Variants in USP42 observed in about 807,000 individuals in gnomAD.
USP42 encodes the protein ubiquitin specific peptidase 42.
USP42 carries 23 observed loss-of-function variants against 113.0 expected under a neutral mutation model. That is an observed-to-expected ratio of 0.20 (90% confidence interval 0.15 to 0.29). USP42 has a LOEUF of 0.29. USP42 is among the 10% of genes least tolerant of loss of function. The pLI, the probability that USP42 is intolerant of heterozygous loss-of-function variation, is 1.00. For synonymous variants in USP42, 933 were observed against 699.0 expected (o/e 1.33, Z -5.28); for missense variants, 2,174 against 1,779.8 (o/e 1.22, Z -3.99).
intron 15 of USP42, 85 bp downstream of exon 15, chr7:6,155,280 A>C: frequency 1.4e-6 from 2 of 1,440,504 alleles, no homozygotes. Flanking sequence ...CTCAGGAACA[A>C]GTGACCAGCC....
intron 7 of USP42, among the ~76,000 whole-genome samples, chr7:6,142,159 T>TTGGTATGTAGATTTA (rs1318916683): frequency 6.6e-6 from 1 of 152,226 alleles, no homozygotes; most frequent in African/African-American, 2.4e-5. Flanking sequence ...AGGATATAAT[T>TTGGTATGTAGATTTA]TGGTATGTAG....
intron 14 of USP42, chr7:6,152,885 C>G: frequency 1.0e-6 from 1 of 980,160 alleles, no homozygotes; most frequent in Non-Finnish European, 1.2e-6. Flanking sequence ...TTTGAGGGTC[C>G]AAGAGAAATC....
intron 11 of USP42, among the ~76,000 whole-genome samples, chr7:6,147,537 G>C (rs369197347): frequency 1.3e-5 from 2 of 152,250 alleles, no homozygotes; most frequent in Non-Finnish European, 2.9e-5. Flanking sequence ...CATTTACCCA[G>C]TTATCCTTGT....
intron 1 of USP42, among the ~76,000 whole-genome samples, chr7:6,105,299 TGCGCGGCGAGGCCGGGCC>T (rs1041053363): frequency 1.0e-4 from 15 of 146,802 alleles, no homozygotes; most frequent in African/African-American, 3.7e-4. Flanking sequence ...GTAGCCGGGC[TGCGCGGCGAGGCCGGGCC>T]CCCCTGGTTG....
chr7:6,109,472 A>C (rs907886808), intron 1 of USP42, among the ~76,000 whole-genome samples: 4 of 152,090 alleles, frequency 2.6e-5, no homozygotes, highest in African/African-American at 7.2e-5. Context: ...GGCTCACTGC[A>C]ATCTCTGCCT....
chr7:6,087,555 T>C, the USP42 span, among the ~76,000 whole-genome samples: 1 of 150,472 alleles, frequency 6.6e-6, no homozygotes, highest in East Asian at 1.9e-4. Flanking sequence ...CAGGCTGATC[T>C]TGAACTCCTG....
At chr7:6,125,183 CAAA>C (rs56776147) in intron 3 of USP42, among the ~76,000 whole-genome samples, 2 of 38,720 alleles carry the variant, frequency 5.2e-5, no homozygotes, top group African/African-American at 1.8e-4. Context: ...TCTGTCTCAA[CAAA>C]AAAAAAAAAA....
At chr7:6,148,183 C>G (rs1418631032) in intron 12 of USP42, among the ~76,000 whole-genome samples, 4 of 152,110 alleles carry the variant, frequency 2.6e-5, no homozygotes, top group African/African-American at 4.8e-5. Flanking sequence ...ACAAAAAATA[C>G]AAGTATCAGC....
chr7:6,139,337 C>G lies in USP42; in HGVS notation c.656+143C>G. ...CCTTTTGGCTTTGCTCTGCCTCTTCCTTAGGTGATGTGCATTATTTTAAAA... is the reference window on the plus strand; with the variant it reads ...CCTTTTGGCTTTGCTCTGCCTCTTCGTTAGGTGATGTGCATTATTTTAAAA... On this transcript the variant is annotated intron_variant, in intron 5 of 17. Coordinates refer to ENST00000306177, the MANE Select transcript of USP42 (RefSeq NM_032172.3). The surrounding 1 kb of genome is among the most constrained non-coding windows in gnomAD (Gnocchi z 4.5). The G allele has an allele frequency of 1.7e-6, 1 of 577,820 alleles. No individual in the cohort carries two copies. The highest frequency in any genetic ancestry group is 2.8e-5 in the South Asian group (1 of 35,742). The allele number at this position is 577,820 out of a possible 1,614,324, so 35.8% of individuals were successfully genotyped here.
intron 3 of USP42, among the ~76,000 whole-genome samples, chr7:6,125,705 T>C (rs1374817550): frequency 1.3e-5 from 2 of 152,214 alleles, no homozygotes; most frequent in Non-Finnish European, 2.9e-5. Context: ...TCACTGCTTT[T>C]CATTCCTTTT....
rs777017627 is a variant in USP42, at chr7:6,154,092, G to A, written c.2538G>A (p.Ser846=). Residue 846 remains serine (S), a synonymous_variant, in exon 15 of 18, where the codon TCG becomes TCA. Transcript: ENST00000306177. ...KGMIAEGPRD[S]ALAEAPEGLS... is the part of the protein sequence containing the mutation. The stretch of plus-strand genomic sequence containing the variant: ...TGATCGCGGAGGGCCCGCGGGACTC[G>A]GCGTTGGCGGAAGCCCCGGAAGGGT... 2.5e-6 allele frequency: 4 copies of A among 1,605,136 alleles called. No homozygotes were observed. Among genetic ancestry groups the A allele is most frequent in the South Asian group, 1.1e-5 (1 of 90,958 alleles).
the USP42 span, among the ~76,000 whole-genome samples, chr7:6,082,101 A>G: frequency 6.6e-6 from 1 of 151,972 alleles, no homozygotes; most frequent in East Asian, 1.9e-4. Flanking sequence ...GTATGTATGC[A>G]GAAAATATAT....
Position 6,150,071 on chromosome 7 carries a change from G to A in USP42, c.1875G>A (p.Glu625=), listed in dbSNP as rs536060073. 6.2e-7 allele frequency: 1 copy of A among 1,609,406 alleles called. No homozygotes were observed. The highest frequency in any genetic ancestry group is 8.5e-7 in the Non-Finnish European group (1 of 1,177,798). Residue 625 remains glutamate, a synonymous_variant, in exon 13 of 18, where the codon GAG becomes GAA. Transcript: ENST00000306177. ...SDEESKGLGK[E]NGIGTIVSSH... is the part of the protein sequence containing the mutation. ...AGGAGTCAAAGGGGCTGGGCAAGGA[G>A]AATGGGATTGGTACGATTGTGAGCT...
At chr7:6,127,569 T>C (rs1379937706) in intron 3 of USP42, among the ~76,000 whole-genome samples, 1 of 152,162 alleles carries the variant, frequency 6.6e-6, no homozygotes, top group Non-Finnish European at 1.5e-5. Context: ...ATCTTTGTAA[T>C]TAAAAAAAAT....
At chr7:6,143,770 A>G (rs558250570) in intron 8 of USP42, among the ~76,000 whole-genome samples, 2 of 152,234 alleles carry the variant, frequency 1.3e-5, no homozygotes, top group Non-Finnish European at 2.9e-5. Flanking sequence ...ACCAGTCTGA[A>G]CATGTTCGTT....
chr7:6,135,290 T>A (rs1781069656), intron 3 of USP42, among the ~76,000 whole-genome samples: 1 of 152,164 alleles, frequency 6.6e-6, no homozygotes, highest in Admixed American at 6.6e-5. Flanking sequence ...ACTTTTAAAC[T>A]CTCTGAGCTT....
chr7:6,112,900 C>CTTTTTTTTTTTTTTTTT (rs34002709), intron 2 of USP42, among the ~76,000 whole-genome samples: 1 of 102,768 alleles, frequency 9.7e-6, no homozygotes, highest in Non-Finnish European at 1.9e-5. Context: ...TAGTAAGTTT[C>CTTTTTTTTTTTTTTTTT]TTTTTTTTTT....
chr7:6,083,822 C>A, the USP42 span, among the ~76,000 whole-genome samples: 2 of 150,632 alleles, frequency 1.3e-5, no homozygotes, highest in Non-Finnish European at 2.9e-5. Context: ...ACTCAATCTG[C>A]ATATTCAGAG....
At chr7:6,155,662 G>T (rs1019401051) in intron 15 of USP42, among the ~76,000 whole-genome samples, 2 of 152,168 alleles carry the variant, frequency 1.3e-5, no homozygotes, top group Non-Finnish European at 2.9e-5. Flanking sequence ...GTGCCTGCCC[G>T]CCTGCCCAGC....
Sources: allele counts gnomAD v4.1 joint callset (sites outside exome capture counted in the v4.1 genomes callset), GRCh38; gene constraint gnomAD v4.1.1; non-coding constraint Gnocchi (gnomAD v3.1); transcripts MANE v1.5; gene names NCBI Gene and HGNC (gene_info 2026-07-23, HGNC 2026-07-21).